Variants in FAM53A observed in about 807,000 individuals in gnomAD.
The protein encoded by FAM53A is family with sequence similarity 53 member A.
FAM53A carries 28 observed loss-of-function variants against 26.6 expected under a neutral mutation model. That is an observed-to-expected ratio of 1.05 (90% confidence interval 0.78 to 1.45). The LOEUF is 1.45. Ranked by LOEUF, FAM53A falls within the 40% of genes most tolerant of loss-of-function variation. The pLI, the probability that FAM53A is intolerant of heterozygous loss-of-function variation, is 0.00. For synonymous variants in FAM53A, 290 were observed against 253.1 expected, an observed-to-expected ratio of 1.15 and a Z score of -1.38; for missense variants, 650 against 575.8, an observed-to-expected ratio of 1.13 and a Z score of -1.32.
At chr4:1,611,995 G>C in the FAM53A span, among the ~76,000 whole-genome samples, 1 of 152,306 alleles carries the variant, frequency 6.6e-6, no homozygotes, top group African/African-American at 2.4e-5. Context: ...CTGCGGAATC[G>C]ATGGAGAAAT....
chr4:1,680,356 CA>C (rs910027542), intron 1 of FAM53A, among the ~76,000 whole-genome samples: 8 of 144,372 alleles, frequency 5.5e-5, no homozygotes, highest in African/African-American at 2.1e-4. Flanking sequence ...CACACCACTA[CA>C]CACAAGGTAC....
the FAM53A span, among the ~76,000 whole-genome samples, chr4:1,603,144 A>G: frequency 4.6e-5 from 7 of 152,256 alleles, no homozygotes; most frequent in East Asian, 1.4e-3. Context: ...GAGTGGGGCG[A>G]GCCGAGTAGC....
At chr4:1,653,782 C>T (rs1210010444) in intron 4 of FAM53A, among the ~76,000 whole-genome samples, 1 of 152,220 alleles carries the variant, frequency 6.6e-6, no homozygotes, top group East Asian at 1.9e-4. Context: ...CTCAGCGTGG[C>T]CTAGGACTAG....
At chr4:1,654,862 C>G in intron 4 of FAM53A, 116 bp downstream of exon 4, 2 of 1,380,836 alleles carry the variant, frequency 1.4e-6, no homozygotes. Context: ...CCTCCCAGCC[C>G]AGAGAAGACC....
the FAM53A span, among the ~76,000 whole-genome samples, chr4:1,604,857 G>T: frequency 2.0e-5 from 3 of 152,072 alleles, no homozygotes; most frequent in African/African-American, 7.2e-5. Flanking sequence ...CTCCCCCAGT[G>T]CTCTGCCCCG....
rs1711635741 is a variant in FAM53A at position 1,640,969 on chromosome 4, C to T, written c.*324G>A. On this transcript the variant is annotated 3_prime_UTR_variant, in exon 5 of 5. Transcript: ENST00000308132. Reference sequence around the variant, plus strand: ...GCAGTGCAGGCGGCAGCCGTGGCCCCGACCAGCTCACAGGAAACCTACTCT... The same window carrying T: ...GCAGTGCAGGCGGCAGCCGTGGCCCTGACCAGCTCACAGGAAACCTACTCT... The T allele has an allele frequency of 2.2e-6, 1 of 451,338 alleles. No homozygotes were observed. Among genetic ancestry groups the T allele is most frequent in the Non-Finnish European group, 4.1e-6 (1 of 241,566 alleles). 28.0% of individuals were successfully genotyped at this position (451,338 alleles called of 1,614,324 possible).
chr4:1,640,579 A>T lies in FAM53A; in HGVS notation c.*714T>A, dbSNP rs1711588924. The T allele has an allele frequency of 8.7e-6, 3 of 344,816 alleles. No homozygotes were observed. Among genetic ancestry groups the T allele is most frequent in the African/African-American group, 6.9e-5 (3 of 43,644 alleles). 21.4% of individuals were successfully genotyped at this position (344,816 alleles called of 1,614,324 possible). A position where few individuals can be genotyped will look rare whatever the true frequency, so the allele number is the denominator to read the frequency against. On this transcript the variant is annotated 3_prime_UTR_variant, in exon 5 of 5. Coordinates refer to ENST00000308132, the MANE Select transcript of FAM53A (RefSeq NM_001174070.3). ...CAAAATGCTTCTTTAGGAAAAACTG[A>T]ATCAAAATTACGCCTTAATGTTCCA...
At chr4:1,681,388 G>A (rs370120986) in intron 1 of FAM53A, among the ~76,000 whole-genome samples, 42 of 152,156 alleles carry the variant, frequency 2.8e-4, no homozygotes, top group African/African-American at 7.7e-4. Flanking sequence ...GTTTCTCCCC[G>A]TGTCTCAGCC....
At chr4:1,622,558 C>T (rs1022961827) in intron 1 of FAM53A, among the ~76,000 whole-genome samples, 12 of 152,200 alleles carry the variant, frequency 7.9e-5, no homozygotes, top group African/African-American at 1.7e-4. Context: ...CCTCTGTGCC[C>T]GTTTTAAATG....
chr4:1,659,108 G>A lies in FAM53A; in HGVS notation c.76-1640C>T, dbSNP rs1023884367. 2.6e-5 allele frequency among the ~76,000 whole-genome samples: 4 copies of A among 152,212 alleles called. No individual in the cohort carries two copies. The highest frequency in any genetic ancestry group is 4.4e-5 in the Non-Finnish European group (3 of 68,024). On this transcript the variant is annotated intron_variant, in intron 2 of 4. Transcript: ENST00000308132. This position sits in a 1 kb window ranked among gnomAD's most constrained non-coding sequence, Gnocchi z 5.2. ...TTGTGACCCCGAAAAAAGACAGGCC[G>A]CCTACACACGGGGTCCCACCTCAGC...
intron 1 of FAM53A, among the ~76,000 whole-genome samples, chr4:1,669,413 C>T (rs995952009): frequency 6.6e-6 from 1 of 152,232 alleles, no homozygotes; most frequent in Non-Finnish European, 1.5e-5. Flanking sequence ...AGCAAGGGGC[C>T]GGCGGAGGAA....
At chr4:1,622,677 C>A (rs1275027823) in intron 1 of FAM53A, among the ~76,000 whole-genome samples, 1 of 152,220 alleles carries the variant, frequency 6.6e-6, no homozygotes, top group Non-Finnish European at 1.5e-5. Flanking sequence ...GGCTGGCTCG[C>A]TCGGGGAGGG....
the FAM53A span, among the ~76,000 whole-genome samples, chr4:1,592,587 G>A: frequency 6.6e-6 from 1 of 152,238 alleles, no homozygotes; most frequent in South Asian, 2.1e-4. Context: ...ACGCGGTTCT[G>A]CACCCCCTGC....
intron 3 of FAM53A, among the ~76,000 whole-genome samples, chr4:1,656,059 C>T (rs1233179335): frequency 6.6e-6 from 1 of 152,208 alleles, no homozygotes; most frequent in African/African-American, 2.4e-5. Flanking sequence ...TCAAAATGCC[C>T]CTCTCCCTCT....
At chr4:1,621,640 C>T (rs983755701) in intron 1 of FAM53A, among the ~76,000 whole-genome samples, 37 of 152,206 alleles carry the variant, frequency 2.4e-4, no homozygotes, top group African/African-American at 6.3e-4. Flanking sequence ...TCCCAGGTCA[C>T]GGAGGCAGTG....
rs1213897828 is a variant in FAM53A, at chr4:1,659,855, T to TA, written c.76-2388dup. Among the ~76,000 whole-genome samples, 3 of 152,174 alleles carry TA rather than the reference T, an allele frequency of 2.0e-5. No homozygotes were observed. Among genetic ancestry groups the TA allele is most frequent in the African/African-American group, 7.2e-5 (3 of 41,432 alleles). ...CTGATGCCTCTCACATATGCGCACT[T>TA]AATTCCATTCATGAGGGCACTGCCG... On this transcript the variant is annotated intron_variant, in intron 2 of 4. Coordinates refer to ENST00000308132, the MANE Select transcript of FAM53A (RefSeq NM_001174070.3). The surrounding 1 kb of genome is among the most constrained non-coding windows in gnomAD (Gnocchi z 5.2).
intron 2 of FAM53A, 28 bp from the exon 3 acceptor site, chr4:1,657,496 GTGAC>G: frequency 6.2e-7 from 1 of 1,603,412 alleles, no homozygotes; most frequent in South Asian, 1.1e-5. Context: ...TTTCAATACT[GTGAC>G]TGACACGTGA....
In FAM53A at chr4:1,670,320, C is replaced by T. The variant is rs143199961; in HGVS notation, c.-164-1415G>A. Among the ~76,000 whole-genome samples, 931 of 152,380 alleles carry T rather than the reference C, an allele frequency of 6.1e-3. 12 individuals are homozygous for T. Among genetic ancestry groups the T allele is most frequent in the African/African-American group, 0.021 (874 of 41,590 alleles). ...CACTTCCCTAGAGCCCAAAAGCCAG[C>T]ATCTTCCTGAATGAGGGCCAGGGCA... On this transcript the variant is annotated intron_variant, in intron 1 of 4. Transcript: ENST00000308132.
downstream of FAM53A, among the ~76,000 whole-genome samples, chr4:1,635,522 G>A (rs2121458): frequency 0.2 from 31,074 of 152,040 alleles, 3,699 homozygotes; most frequent in South Asian, 0.28. Flanking sequence ...AATCCTCCCC[G>A]CTGTTGGCCT....
Sources: allele counts gnomAD v4.1 joint callset (sites outside exome capture counted in the v4.1 genomes callset), GRCh38; gene constraint gnomAD v4.1.1; non-coding constraint Gnocchi (gnomAD v3.1); transcripts MANE v1.5; gene names NCBI Gene and HGNC (gene_info 2026-07-23, HGNC 2026-07-21).